The following CERT1 variants were observed in gnomAD, a reference collection of about 807,000 sequenced individuals.
CERT1 encodes the protein ceramide transporter 1, also known as ceramide transfer protein.
Under a neutral mutation model 87.9 loss-of-function variants are expected in CERT1, and 31 were observed. That is an observed-to-expected ratio of 0.35 (90% CI 0.27 to 0.48). The LOEUF is 0.48. Among genes scored for constraint, CERT1 ranks in the 20% least tolerant of loss-of-function variants. CERT1 has a pLI of 0.99. For missense variants in CERT1, 487 were observed against 758.0 expected (o/e 0.64, Z 4.20); for synonymous variants, 289 against 250.9 (o/e 1.15, Z -1.44).
chr5:75,442,418 A>G (rs1764359850), intron 3 of CERT1, among the ~76,000 whole-genome samples: 1 of 152,126 alleles, frequency 6.6e-6, no homozygotes, highest in Non-Finnish European at 1.5e-5. Context: ...ATGGGGTCTC[A>G]TTATGTTGCC....
At chr5:75,383,161 T>C (rs561011969) in intron 14 of CERT1, among the ~76,000 whole-genome samples, 13 of 152,178 alleles carry the variant, frequency 8.5e-5, no homozygotes, top group African/African-American at 2.9e-4. Context: ...TGATGATAAA[T>C]TTCAGATATA....
At position 75,426,364 on chromosome 5, in the gene CERT1, T is replaced by C. The variant is rs1204615115; in HGVS notation, c.456+7A>G. The stretch of plus-strand genomic sequence containing the variant: ...TGTTTAACTTAAGGCATCCATTAAC[T>C]ACACACCTTGAATGAAGAGGTGGAT... On this transcript the variant is annotated splice_region_variant and intron_variant, in intron 4 of 16. Transcript: ENST00000643780. The C allele has an allele frequency of 1.3e-6, 2 of 1,594,832 alleles. No individual in the cohort carries two copies. The highest frequency in any genetic ancestry group is 1.7e-5 in the Admixed American group (1 of 59,964).
downstream of CERT1, chr5:75,373,044 C>T (rs557537584): frequency 6.6e-6 from 1 of 152,304 alleles, no homozygotes; most frequent in South Asian, 2.1e-4. Context: ...AGGTATTTTA[C>T]ATTTTAAGTT....
chr5:75,441,808 C>T (rs192871039), intron 3 of CERT1, among the ~76,000 whole-genome samples: 4 of 152,298 alleles, frequency 2.6e-5, no homozygotes, highest in African/African-American at 9.6e-5. Flanking sequence ...ATATATTTGT[C>T]CATCTATGTA....
rs899586772 is a variant in CERT1 at position 75,382,105 on chromosome 5, A to C, written c.1489-28T>G. ...GTGGAGAAGTAAAAATCTTTTGAAA[A>C]ACAGATCTAACATGGAACTAACAAG... is the stretch of plus-strand genomic sequence containing the variant. On this transcript the variant is annotated intron_variant, in intron 14 of 16. Transcript: ENST00000643780. The C allele has an allele frequency of 1.9e-6, 3 of 1,602,572 alleles. No individual in the cohort carries two copies. In the South Asian group the frequency reaches 3.3e-5, roughly 18 times the overall value.
chr5:75,456,572 G>A lies in CERT1; in HGVS notation c.348+2493C>T, dbSNP rs143843025. On this transcript the variant is annotated intron_variant, in intron 3 of 16. Coordinates refer to ENST00000643780, the MANE Select transcript of CERT1 (RefSeq NM_001379029.1). The stretch of plus-strand genomic sequence containing the variant: ...GCCTGTAGTCCCAGCTACTTGGGAG[G>A]CTAAGGTGAGAGGATCGTTTGAACC... Among the ~76,000 whole-genome samples the A allele has an allele frequency of 2.1e-3, 312 of 151,100 alleles. 1 individual carries two copies. In the East Asian group the frequency reaches 0.028, roughly 13 times the overall value.
intron 3 of CERT1, among the ~76,000 whole-genome samples, chr5:75,453,530 T>C (rs1764845073): frequency 6.6e-6 from 1 of 152,112 alleles, no homozygotes; most frequent in South Asian, 2.1e-4. Flanking sequence ...AAAGCCCTGG[T>C]TCTTGGGTCA....
chr5:75,444,284 G>A (rs1309282574), intron 3 of CERT1, among the ~76,000 whole-genome samples: 1 of 152,054 alleles, frequency 6.6e-6, no homozygotes, highest in Non-Finnish European at 1.5e-5. Flanking sequence ...TTGAACTCCT[G>A]ACCTTGTGAT....
chr5:75,510,988 C>G, intron 1 of CERT1, 124 bp downstream of exon 1: 1 of 1,301,720 alleles, frequency 7.7e-7, no homozygotes, highest in South Asian at 1.6e-5. Flanking sequence ...GTCGCTGCAG[C>G]AACACTCAGC....
chr5:75,396,387 C>T (rs1762254216), intron 11 of CERT1, among the ~76,000 whole-genome samples: 1 of 152,072 alleles, frequency 6.6e-6, no homozygotes, highest in Admixed American at 6.6e-5. Context: ...ATTTGGTTAC[C>T]TCCCATATCA....
intron 11 of CERT1, among the ~76,000 whole-genome samples, chr5:75,390,871 A>G (rs1036252258): frequency 6.6e-6 from 1 of 152,160 alleles, no homozygotes; most frequent in South Asian, 2.1e-4. Context: ...CGGCACAATC[A>G]TAACTCACTG....
At chr5:75,372,956 G>A (rs534434707), downstream of CERT1, 5 of 152,340 alleles carry the variant, frequency 3.3e-5, no homozygotes, top group Middle Eastern at 3.4e-3. Context: ...GAAGTGGGCA[G>A]TCATTTCAAC....
intron 11 of CERT1, among the ~76,000 whole-genome samples, chr5:75,390,246 G>A (rs1761975260): frequency 1.3e-5 from 2 of 152,056 alleles, no homozygotes; most frequent in Non-Finnish European, 2.9e-5. Flanking sequence ...CAAAAAAGGT[G>A]AAAAACCTTT....
intron 2 of CERT1, among the ~76,000 whole-genome samples, chr5:75,476,621 G>A (rs1765964893): frequency 6.6e-6 from 1 of 152,048 alleles, no homozygotes; most frequent in Non-Finnish European, 1.5e-5. Flanking sequence ...ATTCACACAT[G>A]CTTCTCATTC....
chr5:75,410,486 T>C (rs992441317), intron 8 of CERT1, among the ~76,000 whole-genome samples: 1 of 151,894 alleles, frequency 6.6e-6, no homozygotes, highest in African/African-American at 2.4e-5. Context: ...GGCGGGTGCC[T>C]GTAGTCCCAG....
intron 3 of CERT1, among the ~76,000 whole-genome samples, chr5:75,431,546 T>G (rs1270499559): frequency 1.3e-5 from 2 of 152,212 alleles, no homozygotes; most frequent in Non-Finnish European, 2.9e-5. Context: ...TTCTCTGTGT[T>G]ATGGGGTTGG....
rs568968368 is a variant in CERT1 at position 75,497,214 on chromosome 5, G to A, written c.231+8768C>T. Among the ~76,000 whole-genome samples, 3 of 152,138 alleles carry A rather than the reference G, an allele frequency of 2.0e-5. No individual in the cohort carries two copies. The South Asian group carries it at 6.2e-4, about 32-fold the overall frequency. ...GCTCTAGTGAGTCAACTGCATCTTTGTCCCCCTTTGATAAAAGGGTCTGAC... is the reference window on the plus strand; with the variant it reads ...GCTCTAGTGAGTCAACTGCATCTTTATCCCCCTTTGATAAAAGGGTCTGAC... On this transcript the variant is annotated intron_variant, in intron 2 of 16. Transcript: ENST00000643780.
At chr5:75,498,445 C>A (rs867919070) in intron 2 of CERT1, among the ~76,000 whole-genome samples, 1 of 152,162 alleles carries the variant, frequency 6.6e-6, no homozygotes, top group Non-Finnish European at 1.5e-5. Context: ...GGGCCCAGGG[C>A]CTTGCTGCTT....
chr5:75,396,968 A>G (rs1268168948), intron 11 of CERT1, among the ~76,000 whole-genome samples: 2 of 152,188 alleles, frequency 1.3e-5, no homozygotes, highest in African/African-American at 4.8e-5. Context: ...TTAACTCCAG[A>G]TCTACATCCA....
Sources: gnomAD v4.1 joint callset for allele counts (sites outside exome capture counted in the v4.1 genomes callset) on GRCh38, gnomAD v4.1.1 for gene constraint, MANE v1.5 for transcripts, NCBI Gene and HGNC (gene_info 2026-07-23, HGNC 2026-07-21) for gene names.